Variants in OGDH observed in about 807,000 individuals in gnomAD.
OGDH encodes 2-oxoglutarate dehydrogenase complex component E1.
A neutral mutation model predicts 116.6 loss-of-function variants in OGDH; 38 were observed. That is an observed-to-expected ratio of 0.33 (90% CI 0.25 to 0.43). The LOEUF (loss-of-function observed/expected upper bound fraction) is 0.43. Ranked by LOEUF, OGDH falls within the 20% of genes least tolerant of loss-of-function variation. OGDH has a pLI of 1.00. For missense variants in OGDH, 825 were observed against 1,357.2 expected (o/e 0.61, Z 6.16); for synonymous variants, 488 against 533.3 (o/e 0.92, Z 1.17).
intron 2 of OGDH, among the ~76,000 whole-genome samples, chr7:44,627,572 T>TG (rs989972865): frequency 6.6e-6 from 1 of 152,238 alleles, no homozygotes; most frequent in Non-Finnish European, 1.5e-5. Flanking sequence ...AGAGAGCTTA[T>TG]GGGGGGCTGC....
chr7:44,657,076 G>A (rs1786723480), intron 4 of OGDH, among the ~76,000 whole-genome samples: 1 of 152,082 alleles, frequency 6.6e-6, no homozygotes, highest in South Asian at 2.1e-4. Flanking sequence ...AGATCCATAT[G>A]CACTTGTGAC....
chr7:44,697,364 T>C lies in OGDH; in HGVS notation c.2052-6T>C. The C allele has an allele frequency of 1.2e-6, 2 of 1,614,136 alleles. No individual in the cohort carries two copies. The highest frequency in any genetic ancestry group is 1.7e-6 in the Non-Finnish European group (2 of 1,180,010). On this transcript the variant is annotated splice_region_variant and splice_polypyrimidine_tract_variant and intron_variant, in intron 15 of 22. Coordinates refer to ENST00000222673, the MANE Select transcript of OGDH (RefSeq NM_002541.4). This position sits in a 1 kb window ranked among gnomAD's most constrained non-coding sequence, Gnocchi z 6.0. ...CCTAATTATTACCTCTGTTGTCCTG[T>C]CTCAGCCACCGCCACCATGTGCTCC...
intron 10 of OGDH, among the ~76,000 whole-genome samples, chr7:44,683,178 AAG>A (rs1490421275): frequency 6.6e-6 from 1 of 152,120 alleles, no homozygotes; most frequent in African/African-American, 2.4e-5. Flanking sequence ...ATAAATAAAA[AAG>A]AAAAAAATAG....
intron 5 of OGDH, among the ~76,000 whole-genome samples, chr7:44,670,719 T>C (rs1170273233): frequency 6.6e-6 from 1 of 152,000 alleles, no homozygotes; most frequent in Non-Finnish European, 1.5e-5. Context: ...TTAGAAAATA[T>C]GGTTTGTGGG....
chr7:44,653,836 T>TG (rs1423423929), intron 4 of OGDH, among the ~76,000 whole-genome samples: 1 of 138,878 alleles, frequency 7.2e-6, no homozygotes, highest in African/African-American at 3.3e-5. Context: ...TAATTAAATT[T>TG]GTTTTTTTTT....
intron 4 of OGDH, among the ~76,000 whole-genome samples, chr7:44,658,393 A>T (rs907433408): frequency 6.7e-6 from 1 of 150,068 alleles, no homozygotes; most frequent in Non-Finnish European, 1.5e-5. Flanking sequence ...GTATATAGAA[A>T]TATAATTGAT....
chr7:44,611,072 A>ATT (rs56803296), intron 1 of OGDH, among the ~76,000 whole-genome samples: 55 of 122,884 alleles, frequency 4.5e-4, no homozygotes, highest in East Asian at 3.1e-3. Flanking sequence ...ATTTTTCTAA[A>ATT]TTTTTTTTTT....
intron 4 of OGDH, among the ~76,000 whole-genome samples, chr7:44,650,831 A>G (rs1461411915): frequency 6.6e-6 from 1 of 152,216 alleles, no homozygotes; most frequent in Admixed American, 6.5e-5. Context: ...ACCAGTGTGT[A>G]GACGGGTCAG....
rs768388920 is a variant in OGDH, at chr7:44,700,215, T to C, written c.2505T>C (p.Pro835=). 6 of 1,614,138 alleles carry C rather than the reference T, an allele frequency of 3.7e-6. No individual in the cohort carries two copies. In the East Asian group the frequency reaches 1.3e-4, roughly 36 times the overall value. ...GGGTTGTTGTCAACTGCTCCACTCC[T>C]GGCAACTTCTTCCACGTGCTACGAC... ...CNWVVVNCST[P]GNFFHVLRRQ... Residue 835 remains proline, a synonymous_variant, in exon 19 of 23, where the codon CCT becomes CCC. Coordinates refer to ENST00000222673, the MANE Select transcript of OGDH (RefSeq NM_002541.4).
intron 9 of OGDH, among the ~76,000 whole-genome samples, chr7:44,680,004 A>G (rs1191951545): frequency 1.3e-5 from 2 of 152,152 alleles, no homozygotes; most frequent in Non-Finnish European, 2.9e-5. Context: ...TGAACCCAGG[A>G]GTTTGAGACC....
intron 2 of OGDH, 43 bp downstream of exon 2, chr7:44,624,608 T>G (rs1255336078): frequency 6.4e-7 from 1 of 1,562,162 alleles, no homozygotes; most frequent in Non-Finnish European, 8.8e-7. Context: ...GTTGGTGTGT[T>G]GGCCTGTTCC....
At position 44,694,512 on chromosome 7, in the gene OGDH, C is replaced by G. The variant is rs749176015; in HGVS notation, c.1604C>G (p.Pro535Arg). The change falls in exon 12 of 23, where the codon CCT becomes CGT. Residue 535 changes from proline (P) to arginine (R), a missense_variant. Transcript: ENST00000222673. The surrounding 1 kb of genome is among the most constrained non-coding windows in gnomAD (Gnocchi z 4.2). ...LMYKQIRKQK[P>R]VLQKYAELLV... Reference sequence around the variant, plus strand: ...TACAAGCAGATCCGCAAGCAGAAGCCTGTGTTACAGAAGTACGCTGAGCTG... The same window carrying G: ...TACAAGCAGATCCGCAAGCAGAAGCGTGTGTTACAGAAGTACGCTGAGCTG... The G allele has an allele frequency of 6.2e-7, 1 of 1,614,004 alleles. No individual in the cohort carries two copies. The highest frequency in any genetic ancestry group is 8.5e-7 in the Non-Finnish European group (1 of 1,180,024).
chr7:44,671,765 C>A (rs866180107), intron 5 of OGDH, among the ~76,000 whole-genome samples: 61 of 103,930 alleles, frequency 5.9e-4, no homozygotes, highest in Middle Eastern at 7.0e-3. Context: ...GAGACTGCGT[C>A]TCAAAAAAAA....
intron 1 of OGDH, among the ~76,000 whole-genome samples, chr7:44,621,728 C>G (rs1442161381): frequency 2.0e-5 from 3 of 151,932 alleles, no homozygotes; most frequent in Non-Finnish European, 4.4e-5. Context: ...AAAAATTAAC[C>G]AGGTGTGATG....
intron 10 of OGDH, among the ~76,000 whole-genome samples, chr7:44,692,998 T>A (rs1388024503): frequency 7.0e-6 from 1 of 142,682 alleles, no homozygotes; most frequent in African/African-American, 2.8e-5. Context: ...AGACCATGAC[T>A]CTCTCTTTAA....
chr7:44,708,648 C>T lies in OGDH; in HGVS notation c.*649C>T, dbSNP rs977314479. ...GCTGTGTGTGGGGCCCAAGCATGCC[C>T]CACCCACCCCTCCTGGGCCCAGGCA... On this transcript the variant is annotated 3_prime_UTR_variant, in exon 23 of 23. Coordinates refer to ENST00000222673, the MANE Select transcript of OGDH (RefSeq NM_002541.4). 1 of 152,236 alleles carries T rather than the reference C, an allele frequency of 6.6e-6. No individual in the cohort carries two copies. Among genetic ancestry groups the T allele is most frequent in the Non-Finnish European group, 1.5e-5 (1 of 68,078 alleles). The allele number at this position is 152,236 out of a possible 1,614,324, so 9.4% of individuals were successfully genotyped here.
Position 44,708,054 on chromosome 7 carries a change from T to A in OGDH, c.*55T>A. 1.3e-6 allele frequency: 2 copies of A among 1,582,190 alleles called. No homozygotes were observed. Among genetic ancestry groups the A allele is most frequent in the Non-Finnish European group, 1.7e-6 (2 of 1,168,008 alleles). On this transcript the variant is annotated 3_prime_UTR_variant, in exon 23 of 23. Coordinates refer to ENST00000222673, the MANE Select transcript of OGDH (RefSeq NM_002541.4). ...CCTCTCCACACCCATGACTGCCCCT[T>A]GCTTCTCAACTAAAGAATAGTGCCT...
At chr7:44,670,604 G>T (rs1385587305) in intron 5 of OGDH, among the ~76,000 whole-genome samples, 1 of 152,194 alleles carries the variant, frequency 6.6e-6, no homozygotes, top group African/African-American at 2.4e-5. Flanking sequence ...TGGTACAGTG[G>T]ACTGATGTTG....
At chr7:44,629,007 C>T (rs776121264) in intron 2 of OGDH, among the ~76,000 whole-genome samples, 23 of 152,152 alleles carry the variant, frequency 1.5e-4, no homozygotes, top group Non-Finnish European at 2.4e-4. Context: ...TCACTGACCC[C>T]TCTTAAGAGC....
Sources: gnomAD v4.1 joint callset for allele counts (sites outside exome capture counted in the v4.1 genomes callset) on GRCh38, gnomAD v4.1.1 for gene constraint, Gnocchi (gnomAD v3.1) non-coding constraint, MANE v1.5 for transcripts, NCBI Gene and HGNC (gene_info 2026-07-23, HGNC 2026-07-21) for gene names.